The following PRCP variants were observed in gnomAD, a reference collection of about 807,000 sequenced individuals.
The protein encoded by PRCP is prolylcarboxypeptidase.
A neutral mutation model predicts 54.2 loss-of-function variants in PRCP; 46 were observed. The ratio of observed to expected loss-of-function variants is 0.85; its 90% confidence interval spans 0.67 to 1.09. The LOEUF (loss-of-function observed/expected upper bound fraction) is 1.09. Ranked by LOEUF, PRCP falls within the 50% of genes least tolerant of loss-of-function variation. PRCP has a pLI of 0.00. For missense variants in PRCP, 613 were observed against 596.8 expected, an observed-to-expected ratio of 1.03 and a Z score of -0.28; for synonymous variants, 240 against 212.2, an observed-to-expected ratio of 1.13 and a Z score of -1.14.
chr11:82,882,582 G>A (rs1262070066), intron 1 of PRCP, among the ~76,000 whole-genome samples: 2 of 142,826 alleles, frequency 1.4e-5, no homozygotes, highest in East Asian at 4.0e-4. Flanking sequence ...TGCAAGCTCC[G>A]CCTCCCGGGT....
intron 1 of PRCP, among the ~76,000 whole-genome samples, chr11:82,885,852 T>C (rs7928693): frequency 0.11 from 16,429 of 152,194 alleles, 1,496 homozygotes; most frequent in African/African-American, 0.25. Flanking sequence ...AATGGATAAT[T>C]TGCTCATGGA....
chr11:82,847,558 C>G (rs1244744666), intron 6 of PRCP, among the ~76,000 whole-genome samples: 1 of 152,072 alleles, frequency 6.6e-6, no homozygotes, highest in African/African-American at 2.4e-5. Context: ...TGGAGATGAA[C>G]TAGTTTAGAT....
At position 82,865,019 on chromosome 11, in the gene PRCP, C is replaced by T. The variant is rs568991732; in HGVS notation, c.169-4902G>A. ...AGGGAATAACACAGAGCACCTACCA[C>T]GTGTCTGCCACAGTGCTGTTGCTCT... On this transcript the variant is annotated intron_variant, in intron 1 of 8. Coordinates refer to ENST00000313010, the MANE Select transcript of PRCP (RefSeq NM_005040.4). Among the ~76,000 whole-genome samples, 58 of 152,244 alleles carry T rather than the reference C, an allele frequency of 3.8e-4. 1 individual carries two copies. The highest frequency in any genetic ancestry group is 6.8e-4 in the Non-Finnish European group (46 of 68,008).
intron 1 of PRCP, among the ~76,000 whole-genome samples, chr11:82,893,090 C>A (rs1307942867): frequency 2.0e-5 from 3 of 152,142 alleles, no homozygotes; most frequent in African/African-American, 7.2e-5. Flanking sequence ...GTCATTTAAC[C>A]AGTTCTAGCC....
chr11:82,873,506 C>G (rs1363747634), intron 1 of PRCP, among the ~76,000 whole-genome samples: 3 of 152,194 alleles, frequency 2.0e-5, no homozygotes, highest in Admixed American at 6.5e-5. Flanking sequence ...TTCTCCAAAA[C>G]CTATTCAAGA....
In PRCP at chr11:82,824,665, A is replaced by G; in HGVS notation, c.*241T>C. 1 of 484,736 alleles carries G rather than the reference A, an allele frequency of 2.1e-6. No individual in the cohort carries two copies. The highest frequency in any genetic ancestry group is 2.2e-5 in the South Asian group (1 of 44,462). The allele number at this position is 484,736 out of a possible 1,614,324, so 30.0% of individuals were successfully genotyped here. A position where few individuals can be genotyped will look rare whatever the true frequency, so the allele number is the denominator to read the frequency against. The stretch of plus-strand genomic sequence containing the variant: ...TCTACTCCAGTTATGAGGGCCACTG[A>G]TGGTGTGGGAGAGCTATCAAGAAGA... On this transcript the variant is annotated 3_prime_UTR_variant, in exon 9 of 9. Coordinates refer to ENST00000313010, the MANE Select transcript of PRCP (RefSeq NM_005040.4).
chr11:82,864,532 G>C (rs1367493393), intron 1 of PRCP, among the ~76,000 whole-genome samples: 1 of 152,182 alleles, frequency 6.6e-6, no homozygotes, highest in African/African-American at 2.4e-5. Context: ...GGCTCGAAGA[G>C]GTCACATGAC....
At chr11:82,876,547 T>C (rs898088182) in intron 1 of PRCP, among the ~76,000 whole-genome samples, 2 of 151,972 alleles carry the variant, frequency 1.3e-5, no homozygotes, top group African/African-American at 4.8e-5. Context: ...CGGGGGGAGG[T>C]TACTGAATCA....
upstream of PRCP, chr11:82,901,572 T>A (rs190181298): frequency 1.2e-3 from 190 of 152,694 alleles, 1 homozygote; most frequent in Non-Finnish European, 2.3e-3. Flanking sequence ...CTGATCCACC[T>A]GTCGGGGAGA....
At chr11:82,835,805 G>T in intron 8 of PRCP, 1 of 493,956 alleles carries the variant, frequency 2.0e-6, no homozygotes, top group Admixed American at 2.1e-5. Flanking sequence ...TGAAAGTGAT[G>T]TTCAAGAACC....
chr11:82,858,731 G>C (rs1168804719), intron 2 of PRCP: 1 of 152,100 alleles, frequency 6.6e-6, no homozygotes, highest in Non-Finnish European at 1.5e-5. Context: ...AAAGAGACAA[G>C]GCAGCCTCTG....
chr11:82,831,136 T>C (rs1858373013), intron 8 of PRCP: 1 of 151,416 alleles, frequency 6.6e-6, no homozygotes, highest in Non-Finnish European at 1.5e-5. Context: ...CTTCACTTAG[T>C]CACTGGCAAC....
intron 1 of PRCP, among the ~76,000 whole-genome samples, chr11:82,899,359 C>T (rs1307233121): frequency 6.6e-6 from 1 of 152,188 alleles, no homozygotes; most frequent in South Asian, 2.1e-4. Flanking sequence ...CTGTAACCTG[C>T]CCAAGGTCAC....
At position 82,825,036 on chromosome 11, in the gene PRCP, G is replaced by A; in HGVS notation, c.1361C>T (p.Ala454Val). The A allele has an allele frequency of 6.2e-7, 1 of 1,613,988 alleles. No homozygotes were observed. Among genetic ancestry groups the A allele is most frequent in the Non-Finnish European group, 8.5e-7 (1 of 1,179,966 alleles). Residue 454 changes from alanine (A) to valine (V), a missense_variant, in exon 9 of 9, where the codon GCC becomes GTC. By Grantham distance (64) the Ala-to-Val change is moderately conservative. Transcript: ENST00000313010. ...CTTGGTGCGGAGATCTAAGTGGTGG[G>A]CCCCCTCTGAGATGGTGACTGCAAC... ...TLVAVTISEGAHHLDLRTKNA... is the reference protein window; with the variant it reads ...TLVAVTISEGVHHLDLRTKNA...
intron 1 of PRCP, among the ~76,000 whole-genome samples, chr11:82,894,890 C>T (rs1486572593): frequency 6.6e-6 from 1 of 152,126 alleles, no homozygotes; most frequent in African/African-American, 2.4e-5. Context: ...TTTATCAACA[C>T]TTAAAATAGC....
At chr11:82,869,368 A>AAG (rs1859423762) in intron 1 of PRCP, among the ~76,000 whole-genome samples, 1 of 151,326 alleles carries the variant, frequency 6.6e-6, no homozygotes, top group Non-Finnish European at 1.5e-5. Context: ...AAAAAAAAAA[A>AAG]AAGAAGAAGA....
At chr11:82,830,526 G>A (rs1486004951) in intron 8 of PRCP, 4 of 150,438 alleles carry the variant, frequency 2.7e-5, no homozygotes, top group African/African-American at 9.8e-5. Context: ...TACTTGGGAG[G>A]CTAAGGCAGG....
intron 6 of PRCP, among the ~76,000 whole-genome samples, chr11:82,844,242 C>T (rs1231816225): frequency 8.5e-5 from 13 of 152,066 alleles, no homozygotes; most frequent in African/African-American, 3.1e-4. Context: ...GGTTAAGAAA[C>T]TTGCCCAAAA....
intron 8 of PRCP, among the ~76,000 whole-genome samples, chr11:82,837,533 AAAAC>A (rs1420986459): frequency 2.0e-5 from 3 of 152,260 alleles, no homozygotes; most frequent in African/African-American, 7.2e-5. Context: ...AATAAAAACT[AAAAC>A]AAATAAAAGA....
Sources: gnomAD v4.1 joint callset for allele counts (sites outside exome capture counted in the v4.1 genomes callset) on GRCh38, gnomAD v4.1.1 for gene constraint, MANE v1.5 for transcripts, NCBI Gene and HGNC (gene_info 2026-07-23, HGNC 2026-07-21) for gene names.